The following LEPROTL1 variants were observed in gnomAD, a reference collection of about 807,000 sequenced individuals.
LEPROTL1 encodes the protein leptin receptor overlapping transcript like 1, also known as leptin receptor overlapping transcript-like 1.
LEPROTL1 carries 6 observed loss-of-function variants against 15.4 expected under a neutral mutation model. The observed-to-expected ratio is 0.39, with a 90% CI of 0.21 to 0.77. The LOEUF is 0.77. Among genes scored for constraint, LEPROTL1 ranks in the 30% least tolerant of loss-of-function variants. The pLI, the probability that LEPROTL1 is intolerant of heterozygous loss-of-function variation, is 0.41. For missense variants in LEPROTL1, 128 were observed against 158.1 expected (o/e 0.81, Z 1.02); for synonymous variants, 56 against 52.6 (o/e 1.06, Z -0.28).
intron 1 of LEPROTL1, among the ~76,000 whole-genome samples, chr8:30,099,045 C>T (rs1007321767): frequency 2.2e-4 from 34 of 152,122 alleles, no homozygotes; most frequent in African/African-American, 8.2e-4. Context: ...CCTTCCCTGG[C>T]CACTGTATCT....
chr8:30,127,668 CAAA>C (rs5890499), intron 3 of LEPROTL1, among the ~76,000 whole-genome samples: 6 of 97,822 alleles, frequency 6.1e-5, no homozygotes, highest in Admixed American at 1.3e-4. Context: ...GACCCTGTCT[CAAA>C]AAAAAAAAAA....
Position 30,118,022 on chromosome 8 carries a change from T to TGG in LEPROTL1, c.279+13536_279+13537insGG, listed in dbSNP as rs1802770896. Among the ~76,000 whole-genome samples, 8 of 118,166 alleles carry TGG rather than the reference T, an allele frequency of 6.8e-5. No individual in the cohort carries two copies. In the South Asian group the frequency reaches 1.9e-3, roughly 28 times the overall value. The allele number at this position is 118,166 out of a possible 152,430, so 77.5% of individuals were successfully genotyped here. On this transcript the variant is annotated intron_variant, in intron 3 of 4. Coordinates refer to the LEPROTL1 transcript ENST00000442880. The stretch of plus-strand genomic sequence containing the variant: ...CTGTATATATATTTTTTGATTTGTT[T>TGG]TTTTTTTTTTTTTTTTTTTTGAGAC...
Position 30,127,541 on chromosome 8 carries a change from T to C in LEPROTL1, c.280-4834T>C, listed in dbSNP as rs149403657. On this transcript the variant is annotated intron_variant, in intron 3 of 4. Transcript: ENST00000442880. ...CATTTGTAAGGATAGGCACGATTCATCAAAATACTATTCTATACTTGGGAG... is the reference window on the plus strand; with the variant it reads ...CATTTGTAAGGATAGGCACGATTCACCAAAATACTATTCTATACTTGGGAG... 3.3e-5 allele frequency among the ~76,000 whole-genome samples: 5 copies of C among 151,996 alleles called. No homozygotes were observed. The East Asian group carries it at 9.7e-4, about 30-fold the overall frequency.
In LEPROTL1 at chr8:30,107,869, A is replaced by G; in HGVS notation, c.*2007A>G. On this transcript the variant is annotated 3_prime_UTR_variant, in exon 4 of 4. Transcript: ENST00000321250. ...CACAGACTTTTTCTAACAGCTGCGT[A>G]TTATTTCTATATACTAACTGCATTG... 1 of 985,182 alleles carries G rather than the reference A, an allele frequency of 1.0e-6. No homozygotes were observed. Among genetic ancestry groups the G allele is most frequent in the South Asian group, 4.7e-5 (1 of 21,288 alleles). The allele number at this position is 985,182 out of a possible 1,614,324, so 61.0% of individuals were successfully genotyped here. A position where few individuals can be genotyped will look rare whatever the true frequency, so the allele number is the denominator to read the frequency against.
At chr8:30,117,243 T>C in intron 3 of LEPROTL1, 2 of 583,234 alleles carry the variant, frequency 3.4e-6, no homozygotes, top group Admixed American at 3.1e-5. Context: ...ATCCCAGTGC[T>C]TTGGGAGGTG....
intron 2 of LEPROTL1, among the ~76,000 whole-genome samples, chr8:30,103,072 T>G (rs907274893): frequency 2.0e-5 from 3 of 152,170 alleles, no homozygotes; most frequent in South Asian, 2.1e-4. Flanking sequence ...TTTTGGTTTT[T>G]GTTTTTGTTT....
At chr8:30,104,251 A>T in intron 2 of LEPROTL1, 49 bp from the exon 3 acceptor site, 2 of 1,156,246 alleles carry the variant, frequency 1.7e-6, no homozygotes, top group Non-Finnish European at 2.4e-6. Flanking sequence ...TTTTGTGTGT[A>T]GGAAAATGAC....
chr8:30,098,890 A>G (rs186203562), intron 1 of LEPROTL1, among the ~76,000 whole-genome samples: 29 of 152,326 alleles, frequency 1.9e-4, no homozygotes, highest in Non-Finnish European at 3.8e-4. Flanking sequence ...ATCGCAGCTG[A>G]TAATTGAGCA....
intron 3 of LEPROTL1, 48 bp from the exon 4 acceptor site, chr8:30,105,698 T>G: frequency 6.5e-7 from 1 of 1,535,090 alleles, no homozygotes; most frequent in Non-Finnish European, 8.9e-7. Context: ...TTTTTTATTT[T>G]CCTTTCGTTT....
chr8:30,098,928 C>T (rs1005662514), intron 1 of LEPROTL1, among the ~76,000 whole-genome samples: 2 of 152,128 alleles, frequency 1.3e-5, no homozygotes, highest in Non-Finnish European at 2.9e-5. Flanking sequence ...GAACAGAGGA[C>T]CTCAGCATAC....
intron 3 of LEPROTL1, among the ~76,000 whole-genome samples, chr8:30,128,155 A>G (rs914272120): frequency 1.4e-4 from 21 of 152,178 alleles, no homozygotes; most frequent in Non-Finnish European, 7.3e-5. Context: ...TCCAGTCTAC[A>G]TCTCTGGCTC....
chr8:30,101,264 T>C (rs1188757008), intron 1 of LEPROTL1, among the ~76,000 whole-genome samples: 1 of 152,174 alleles, frequency 6.6e-6, no homozygotes, highest in Non-Finnish European at 1.5e-5. Flanking sequence ...GAAGTAAATA[T>C]AATTCTAATG....
At position 30,102,067 on chromosome 8, in the gene LEPROTL1, T is replaced by C. The variant is rs575085711; in HGVS notation, c.92+94T>C. 3 of 667,944 alleles carry C rather than the reference T, an allele frequency of 4.5e-6. No homozygotes were observed. In the East Asian group the frequency reaches 8.7e-5, roughly 19 times the overall value. The allele number at this position is 667,944 out of a possible 1,614,324, so 41.4% of individuals were successfully genotyped here. A position where few individuals can be genotyped will look rare whatever the true frequency, so the allele number is the denominator to read the frequency against. On this transcript the variant is annotated intron_variant, in intron 2 of 3. Coordinates refer to ENST00000321250, the MANE Select transcript of LEPROTL1 (RefSeq NM_015344.3). ...TGTTTTTTTACTACTGTAAAAGTAA[T>C]GCAGAGAAATGTTCACTTACCAAAC...
intron 1 of LEPROTL1, among the ~76,000 whole-genome samples, chr8:30,100,772 C>CA (rs1802453408): frequency 6.6e-6 from 1 of 152,280 alleles, no homozygotes; most frequent in East Asian, 1.9e-4. Context: ...TTGCTTTAGT[C>CA]TAGGTCATTG....
At position 30,095,442 on chromosome 8, in the gene LEPROTL1, T is replaced by A; in HGVS notation, c.-71T>A. Reference sequence around the variant, plus strand: ...GGTGTTGTCTGGCCGCCGTAGCGCGTCTTGGGTCTCCCGGCTGCCGCTGCT... The same window carrying A: ...GGTGTTGTCTGGCCGCCGTAGCGCGACTTGGGTCTCCCGGCTGCCGCTGCT... On this transcript the variant is annotated 5_prime_UTR_variant, in exon 1 of 4. Transcript: ENST00000321250. 1.4e-6 allele frequency: 2 copies of A among 1,422,576 alleles called. No individual in the cohort carries two copies. The highest frequency in any genetic ancestry group is 1.3e-5 in the South Asian group (1 of 76,090). 88.1% of individuals were successfully genotyped at this position (1,422,576 alleles called of 1,614,324 possible).
intron 1 of LEPROTL1, chr8:30,095,913 G>T: frequency 1.4e-6 from 1 of 697,732 alleles, no homozygotes; most frequent in Admixed American, 2.0e-5. Flanking sequence ...GGATTGAGAA[G>T]GCTGAGGCTG....
intron 3 of LEPROTL1, among the ~76,000 whole-genome samples, chr8:30,118,123 C>T (rs546112316): frequency 1.4e-5 from 2 of 143,000 alleles, no homozygotes; most frequent in Non-Finnish European, 3.0e-5. Flanking sequence ...CTCCTGGGTT[C>T]AAGGGATTCT....
At chr8:30,118,346 T>A (rs1174959625) in intron 3 of LEPROTL1, among the ~76,000 whole-genome samples, 1 of 152,164 alleles carries the variant, frequency 6.6e-6, no homozygotes, top group African/African-American at 2.4e-5. Context: ...TATATGTACA[T>A]ACAGATACAT....
In LEPROTL1 at chr8:30,107,595, G is replaced by A. The variant is rs1802588344; in HGVS notation, c.*1733G>A. The A allele has an allele frequency of 2.0e-6, 2 of 985,748 alleles. No individual in the cohort carries two copies. The highest frequency in any genetic ancestry group is 2.4e-6 in the Non-Finnish European group (2 of 829,938). 61.1% of individuals were successfully genotyped at this position (985,748 alleles called of 1,614,324 possible). ...TTTAGATATGAGATGACGGGAAGCAGGACGAAATATCGGCGTGTGGCTGGA... is the reference window on the plus strand; with the variant it reads ...TTTAGATATGAGATGACGGGAAGCAAGACGAAATATCGGCGTGTGGCTGGA... On this transcript the variant is annotated 3_prime_UTR_variant, in exon 4 of 4. Transcript: ENST00000321250.
Sources: gnomAD v4.1 joint callset for allele counts (sites outside exome capture counted in the v4.1 genomes callset) on GRCh38, gnomAD v4.1.1 for gene constraint, MANE v1.5 for transcripts, NCBI Gene and HGNC (gene_info 2026-07-23, HGNC 2026-07-21) for gene names.